PRKCB: variants seen among roughly 807,000 people sequenced by gnomAD.
PRKCB encodes the protein protein kinase C beta type.
PRKCB carries 13 observed loss-of-function variants against 81.5 expected under a neutral mutation model. The observed-to-expected ratio is 0.16, with a 90% CI of 0.10 to 0.25. The LOEUF is 0.25. PRKCB is among the 10% of genes least tolerant of loss of function. The pLI, the probability that PRKCB is intolerant of heterozygous loss-of-function variation, is 1.00. For missense variants in PRKCB, 509 were observed against 875.7 expected (o/e 0.58, Z 5.29); for synonymous variants, 335 against 321.4 (o/e 1.04, Z -0.45).
In PRKCB at chr16:24,102,640, C is replaced by T. The variant is rs918697817; in HGVS notation, c.821+8343C>T. Among the ~76,000 whole-genome samples, 9 of 152,184 alleles carry T rather than the reference C, an allele frequency of 5.9e-5. No individual in the cohort carries two copies. The East Asian group carries it at 7.7e-4, about 13-fold the overall frequency. The stretch of plus-strand genomic sequence containing the variant: ...ACTGCCCTGTATCTGTTGACAAATC[C>T]GCCTCTTTGTTTCTAATTTTGTTTA... On this transcript the variant is annotated intron_variant, in intron 7 of 16. Coordinates refer to ENST00000643927, the MANE Select transcript of PRKCB (RefSeq NM_002738.7).
At chr16:24,060,596 C>T (rs574273645) in intron 5 of PRKCB, among the ~76,000 whole-genome samples, 137 of 152,354 alleles carry the variant, frequency 9.0e-4, no homozygotes, top group South Asian at 7.3e-3. Context: ...TGACCACTCA[C>T]GGCTTCAGTA....
intron 7 of PRKCB, among the ~76,000 whole-genome samples, chr16:24,096,508 C>CA (rs988114571): frequency 2.0e-5 from 3 of 151,570 alleles, no homozygotes; most frequent in Non-Finnish European, 4.4e-5. Flanking sequence ...AACCCACTGT[C>CA]AGATGGTGTC....
At chr16:24,172,890 A>G (rs198162) in intron 11 of PRKCB, among the ~76,000 whole-genome samples, 54,414 of 151,994 alleles carry the variant, frequency 0.36, 10,194 homozygotes, top group African/African-American at 0.47. Flanking sequence ...AACTTACTAT[A>G]AGCCAGGCCC....
intron 2 of PRKCB, among the ~76,000 whole-genome samples, chr16:23,890,341 A>C (rs564438090): frequency 1.3e-5 from 2 of 152,356 alleles, no homozygotes; most frequent in African/African-American, 4.8e-5. Flanking sequence ...CTTTGGCCAG[A>C]TCAAGTCTTG....
chr16:24,045,612 A>G (rs1965753883), intron 5 of PRKCB, among the ~76,000 whole-genome samples: 1 of 151,958 alleles, frequency 6.6e-6, no homozygotes, highest in Non-Finnish European at 1.5e-5. Context: ...AGTTGAAGCT[A>G]ATTTTTTTTT....
At chr16:24,080,578 TCCAGTACAAGATAA>T (rs1478765009) in intron 5 of PRKCB, among the ~76,000 whole-genome samples, 4 of 151,994 alleles carry the variant, frequency 2.6e-5, no homozygotes, top group Non-Finnish European at 4.4e-5. Context: ...ATATGGGACA[TCCAGTACAAGATAA>T]CCAGTGGACA....
intron 9 of PRKCB, among the ~76,000 whole-genome samples, chr16:24,150,081 A>G (rs1212527544): frequency 6.6e-6 from 1 of 152,164 alleles, no homozygotes; most frequent in Admixed American, 6.5e-5. Context: ...CTGTAATCCC[A>G]GCACTTTGGG....
chr16:24,131,516 G>T (rs1474342068), intron 9 of PRKCB, among the ~76,000 whole-genome samples: 5 of 152,246 alleles, frequency 3.3e-5, no homozygotes, highest in Non-Finnish European at 5.9e-5. Context: ...GTTGACTATA[G>T]TCTTGGCCAA....
intron 8 of PRKCB, among the ~76,000 whole-genome samples, chr16:24,115,968 G>A (rs187363157): frequency 2.5e-4 from 37 of 150,882 alleles, no homozygotes; most frequent in African/African-American, 7.9e-4. Context: ...CTCGTGATCC[G>A]TCTGCCTCGG....
chr16:24,093,551 A>G (rs1434807937), intron 6 of PRKCB, among the ~76,000 whole-genome samples: 1 of 152,228 alleles, frequency 6.6e-6, no homozygotes, highest in Non-Finnish European at 1.5e-5. Flanking sequence ...AATAGGGCTT[A>G]TAGAGGTTAA....
At chr16:24,165,514 T>C (rs548810217) in intron 10 of PRKCB, among the ~76,000 whole-genome samples, 4 of 152,376 alleles carry the variant, frequency 2.6e-5, no homozygotes, top group African/African-American at 9.6e-5. Flanking sequence ...AACTCACTTC[T>C]CTGCTCCAGA....
chr16:24,109,424 A>T (rs1453252148), intron 7 of PRKCB, among the ~76,000 whole-genome samples: 2 of 119,612 alleles, frequency 1.7e-5, no homozygotes, highest in East Asian at 5.0e-4. Context: ...CTCACCTCCC[A>T]GACGGGGTTG....
intron 2 of PRKCB, among the ~76,000 whole-genome samples, chr16:23,926,121 A>C (rs1022434515): frequency 6.6e-6 from 1 of 151,680 alleles, no homozygotes; most frequent in African/African-American, 2.4e-5. Flanking sequence ...TAAAAATTAA[A>C]TTAGCCAGGC....
chr16:23,948,262 T>C (rs1411432288), intron 2 of PRKCB, among the ~76,000 whole-genome samples: 1 of 152,218 alleles, frequency 6.6e-6, no homozygotes, highest in Non-Finnish European at 1.5e-5. Flanking sequence ...ATGTTTCTTC[T>C]GGCTTTCTAA....
chr16:24,136,250 CAAGAT>C (rs1439963044), intron 9 of PRKCB, among the ~76,000 whole-genome samples: 1 of 152,016 alleles, frequency 6.6e-6, no homozygotes, highest in Non-Finnish European at 1.5e-5. Context: ...TGTTACAAGA[CAAGAT>C]AAGGTTCATT....
chr16:24,110,134 A>ACCGTG (rs1173032717), intron 7 of PRKCB, among the ~76,000 whole-genome samples: 36 of 69,688 alleles, frequency 5.2e-4, no homozygotes, highest in African/African-American at 3.8e-3. Flanking sequence ...GGAGAGGGAG[A>ACCGTG]GGGAGAGGAG....
chr16:24,148,539 C>A (rs1330262299), intron 9 of PRKCB, among the ~76,000 whole-genome samples: 1 of 152,104 alleles, frequency 6.6e-6, no homozygotes, highest in African/African-American at 2.4e-5. Flanking sequence ...TTGGAAGGCC[C>A]AATGAATTCC....
intron 5 of PRKCB, among the ~76,000 whole-genome samples, chr16:24,065,345 TA>T (rs1281352100): frequency 1.3e-5 from 2 of 151,894 alleles, no homozygotes; most frequent in African/African-American, 2.4e-5. Flanking sequence ...TCCTTTCTAT[TA>T]ACTAATTAGT....
chr16:23,985,424 C>A (rs1311691643), intron 2 of PRKCB, among the ~76,000 whole-genome samples: 1 of 151,964 alleles, frequency 6.6e-6, no homozygotes, highest in African/African-American at 2.4e-5. Flanking sequence ...TAAACAATGA[C>A]CAGTTGGGAA....
Sources: gnomAD v4.1 joint callset for allele counts (sites outside exome capture counted in the v4.1 genomes callset) on GRCh38, gnomAD v4.1.1 for gene constraint, MANE v1.5 for transcripts, NCBI Gene and HGNC (gene_info 2026-07-23, HGNC 2026-07-21) for gene names.